The following FCRL1 variants were observed in gnomAD, a reference collection of about 807,000 sequenced individuals.
FCRL1 encodes Fc receptor like 1, also known as Fc receptor-like protein 1.
A neutral mutation model predicts 49.2 loss-of-function variants in FCRL1; 34 were observed. That is an observed-to-expected ratio of 0.69 (90% CI 0.53 to 0.92). FCRL1 has a LOEUF of 0.92. Among genes scored for constraint, FCRL1 ranks in the 40% least tolerant of loss-of-function variants. The pLI, the probability that FCRL1 is intolerant of heterozygous loss-of-function variation, is 0.00. For synonymous variants in FCRL1, 218 were observed against 201.6 expected, an observed-to-expected ratio of 1.08 and a Z score of -0.69; for missense variants, 524 against 524.1, an observed-to-expected ratio of 1.00 and a Z score of 0.00.
intron 1 of FCRL1, among the ~76,000 whole-genome samples, chr1:157,817,972 T>C (rs575464851): frequency 6.6e-6 from 1 of 152,246 alleles, no homozygotes; most frequent in African/African-American, 2.4e-5. Flanking sequence ...CCCATACCTA[T>C]GAAAATGACT....
At chr1:157,799,961 A>G in intron 7 of FCRL1, 97 bp downstream of exon 7, 1 of 1,102,868 alleles carries the variant, frequency 9.1e-7, no homozygotes, top group Non-Finnish European at 1.3e-6. Flanking sequence ...GGTATAATAA[A>G]GCCGGAAAAA....
intron 1 of FCRL1, among the ~76,000 whole-genome samples, chr1:157,814,042 TG>T (rs1034520960): frequency 5.3e-5 from 8 of 152,270 alleles, no homozygotes; most frequent in African/African-American, 1.9e-4. Flanking sequence ...CAAAAGCTGA[TG>T]GAATTCAAGA....
In FCRL1 at chr1:157,795,085, G is replaced by A. The variant is rs1425641688; in HGVS notation, c.*1014C>T. The A allele has an allele frequency of 6.6e-6, 1 of 152,154 alleles. No individual in the cohort carries two copies. Among genetic ancestry groups the A allele is most frequent in the Non-Finnish European group, 1.5e-5 (1 of 68,022 alleles). 9.4% of individuals were successfully genotyped at this position (152,154 alleles called of 1,614,324 possible). On this transcript the variant is annotated 3_prime_UTR_variant, in exon 11 of 11. Coordinates refer to ENST00000368176, the MANE Select transcript of FCRL1 (RefSeq NM_052938.5). Reference sequence around the variant, plus strand: ...CTTTTTACTTTATATACCTCCAAATGTTTATTAATTCATAAGAGTGAGTGC... The same window carrying A: ...CTTTTTACTTTATATACCTCCAAATATTTATTAATTCATAAGAGTGAGTGC...
At chr1:157,808,641 T>G (rs1653837543) in intron 1 of FCRL1, among the ~76,000 whole-genome samples, 2 of 152,140 alleles carry the variant, frequency 1.3e-5, no homozygotes, top group Non-Finnish European at 2.9e-5. Flanking sequence ...GATGGGGAGC[T>G]ATGGACAATT....
At chr1:157,809,649 C>T (rs941037972) in intron 1 of FCRL1, among the ~76,000 whole-genome samples, 1 of 151,996 alleles carries the variant, frequency 6.6e-6, no homozygotes, top group Admixed American at 6.6e-5. Flanking sequence ...TTAGTAGAGA[C>T]TGGGTTTCAT....
intron 8 of FCRL1, 36 bp from the exon 9 acceptor site, chr1:157,797,975 C>T: frequency 6.2e-7 from 1 of 1,600,802 alleles, no homozygotes; most frequent in Non-Finnish European, 8.6e-7. Context: ...TGACACAGCC[C>T]CTGATTCCTG....
chr1:157,797,106 C>T lies in FCRL1; in HGVS notation c.1213G>A (p.Asp405Asn), dbSNP rs1446335456. The change falls in exon 10 of 11, where the codon GAC becomes AAC. Residue 405 changes from aspartate (D) to asparagine (N), a missense_variant. Transcript: ENST00000368176. ...AAETLGTHME[D>N]KVSLDIYSRL... ...AGAACAATAGAGACTCTTACCTTGT[C>T]CTCCATATGTGTCCCCAGGGTTTCT... is the stretch of plus-strand genomic sequence containing the variant. 2.5e-6 allele frequency: 4 copies of T among 1,613,764 alleles called. No individual in the cohort carries two copies. Among genetic ancestry groups the T allele is most frequent in the Non-Finnish European group, 3.4e-6 (4 of 1,179,810 alleles).
chr1:157,812,585 A>C (rs1024850988), intron 1 of FCRL1, among the ~76,000 whole-genome samples: 2 of 152,116 alleles, frequency 1.3e-5, no homozygotes, highest in Non-Finnish European at 2.9e-5. Flanking sequence ...CCCCAGGATC[A>C]AAGTCACAGG....
chr1:157,804,209 CA>C, intron 2 of FCRL1, 98 bp from the exon 3 acceptor site: 1 of 1,478,006 alleles, frequency 6.8e-7, no homozygotes, highest in Non-Finnish European at 9.1e-7. Flanking sequence ...CTCAAAGAAA[CA>C]GCCAGTTGGA....
chr1:157,813,454 A>G (rs1654610058), intron 1 of FCRL1, among the ~76,000 whole-genome samples: 1 of 152,238 alleles, frequency 6.6e-6, no homozygotes, highest in South Asian at 2.1e-4. Context: ...TGCATGAAAT[A>G]AAAATTACAA....
intron 2 of FCRL1, among the ~76,000 whole-genome samples, chr1:157,805,867 G>A (rs936478793): frequency 3.3e-5 from 5 of 152,170 alleles, no homozygotes; most frequent in African/African-American, 1.2e-4. Context: ...CTGCACTCCA[G>A]CCTGGGCAAC....
intron 7 of FCRL1, among the ~76,000 whole-genome samples, chr1:157,799,534 T>G (rs1652078937): frequency 6.6e-6 from 1 of 152,156 alleles, no homozygotes; most frequent in Non-Finnish European, 1.5e-5. Context: ...GATTTGTCTC[T>G]CTGTTTGTCT....
intron 1 of FCRL1, among the ~76,000 whole-genome samples, chr1:157,813,108 G>GA (rs1384471116): frequency 6.6e-6 from 1 of 152,110 alleles, no homozygotes; most frequent in African/African-American, 2.4e-5. Context: ...ATCTGCAGGT[G>GA]AAAGTCTTTT....
chr1:157,804,011 C>A lies in FCRL1; in HGVS notation c.153G>T (p.Gln51His). 6.2e-7 allele frequency: 1 copy of A among 1,614,240 alleles called. No individual in the cohort carries two copies. Among genetic ancestry groups the A allele is most frequent in the Non-Finnish European group, 8.5e-7 (1 of 1,180,056 alleles). Reference protein sequence around the residue: ...PFLQSSDAQFQFCFFRDTRAL... With the variant: ...PFLQSSDAQFHFCFFRDTRAL... ...CCCGGGTGTCTCTGAAAAAGCAGAA[C>A]TGGAACTGGGCATCTGAACTCTGTA... The change falls in exon 3 of 11, where the codon CAG becomes CAT. Residue 51 changes from glutamine (Q) to histidine (H), a missense_variant. By Grantham distance (24) the Gln-to-His change is conservative (BLOSUM62 0). Transcript: ENST00000368176.
intron 1 of FCRL1, among the ~76,000 whole-genome samples, chr1:157,811,028 G>A (rs553077603): frequency 5.3e-5 from 8 of 152,138 alleles, no homozygotes; most frequent in East Asian, 1.9e-4. Context: ...CGATCCTCCC[G>A]CCTCAACCTC....
chr1:157,795,024 G>A lies in FCRL1; in HGVS notation c.*1075C>T, dbSNP rs537738205. ...GCTACCTGTAAAGTTTTTAACAATA[G>A]TTAACATTTGTGTTAACTTACAGGA... On this transcript the variant is annotated 3_prime_UTR_variant, in exon 11 of 11. Transcript: ENST00000368176. 5 of 152,254 alleles carry A rather than the reference G, an allele frequency of 3.3e-5. No individual in the cohort carries two copies. Among genetic ancestry groups the A allele is most frequent in the African/African-American group, 1.2e-4 (5 of 41,542 alleles). The allele number at this position is 152,254 out of a possible 1,614,324, so 9.4% of individuals were successfully genotyped here.
Position 157,794,749 on chromosome 1 carries a change from G to T in FCRL1, c.*1350C>A, listed in dbSNP as rs1053769303. The T allele has an allele frequency of 6.6e-6, 1 of 152,046 alleles. No individual in the cohort carries two copies. Among genetic ancestry groups the T allele is most frequent in the Non-Finnish European group, 1.5e-5 (1 of 68,000 alleles). 9.4% of individuals were successfully genotyped at this position (152,046 alleles called of 1,614,324 possible). On this transcript the variant is annotated 3_prime_UTR_variant, in exon 11 of 11. Transcript: ENST00000368176. ...TATTATGATAGTACTTAATGCCACT[G>T]AATTGTACACTTAAAAATGGTTAAA... is the stretch of plus-strand genomic sequence containing the variant.
In FCRL1 at chr1:157,801,450, T is replaced by C. The variant is rs1652450308; in HGVS notation, c.1003+11A>G. 1 of 1,550,478 alleles carries C rather than the reference T, an allele frequency of 6.4e-7. No individual in the cohort carries two copies. The highest frequency in any genetic ancestry group is 1.4e-5 in the African/African-American group (1 of 73,668). ...CACAGTAACAAAATGCCACTCTCTT[T>C]AAATACTAACCTATTTTTCTTTTGA... On this transcript the variant is annotated intron_variant, in intron 6 of 10. Transcript: ENST00000368176.
intron 1 of FCRL1, among the ~76,000 whole-genome samples, chr1:157,815,165 C>G (rs1447130403): frequency 6.6e-6 from 1 of 151,908 alleles, no homozygotes; most frequent in Non-Finnish European, 1.5e-5. Flanking sequence ...TTTTTCTCAA[C>G]TGCACATGGA....
Sources: gnomAD v4.1 joint callset for allele counts (sites outside exome capture counted in the v4.1 genomes callset) on GRCh38, gnomAD v4.1.1 for gene constraint, MANE v1.5 for transcripts, NCBI Gene and HGNC (gene_info 2026-07-23, HGNC 2026-07-21) for gene names.